PLCH1: variants seen among roughly 807,000 people sequenced by gnomAD.
PLCH1 encodes phospholipase C eta 1, also known as 1-phosphatidylinositol 4,5-bisphosphate phosphodiesterase eta-1.
Under a neutral mutation model 126.7 loss-of-function variants are expected in PLCH1, and 60 were observed. The observed-to-expected ratio is 0.47, with a 90% CI of 0.38 to 0.59. The LOEUF is 0.59. PLCH1 is among the 20% of genes least tolerant of loss of function. The probability of loss-of-function intolerance (pLI) is 0.00; values close to 1 mark genes in which losing one functional copy is unlikely to be tolerated. For missense variants in PLCH1, 1,723 were observed against 2,040.0 expected (o/e 0.84, Z 2.99); for synonymous variants, 719 against 734.9 (o/e 0.98, Z 0.35).
At chr3:155,638,112 TG>T (rs747648553) in intron 2 of PLCH1, among the ~76,000 whole-genome samples, 39 of 152,252 alleles carry the variant, frequency 2.6e-4, no homozygotes, top group Non-Finnish European at 4.9e-4. Context: ...TATTTCACAA[TG>T]GTTATCATGG....
chr3:155,584,596 T>G (rs1157912512), intron 5 of PLCH1, among the ~76,000 whole-genome samples: 1 of 152,224 alleles, frequency 6.6e-6, no homozygotes, highest in East Asian at 1.9e-4. Context: ...TGTGCTCTTC[T>G]TCATTCTAAG....
intron 1 of PLCH1, among the ~76,000 whole-genome samples, chr3:155,719,962 A>G (rs766707520): frequency 3.3e-5 from 5 of 151,920 alleles, no homozygotes; most frequent in Non-Finnish European, 5.9e-5. Context: ...TGCCCGGCTA[A>G]TTTTTGTATT....
intron 2 of PLCH1, among the ~76,000 whole-genome samples, chr3:155,646,638 T>C (rs1740092384): frequency 6.6e-6 from 1 of 152,190 alleles, no homozygotes; most frequent in African/African-American, 2.4e-5. Flanking sequence ...CTGATACTTC[T>C]CTAAATGACT....
intron 2 of PLCH1, among the ~76,000 whole-genome samples, chr3:155,609,722 G>A (rs573749590): frequency 6.6e-6 from 1 of 152,120 alleles, no homozygotes; most frequent in East Asian, 1.9e-4. Flanking sequence ...TTCTGGAAAT[G>A]AAAGACACTT....
At chr3:155,657,362 G>A (rs1741528296) in intron 2 of PLCH1, among the ~76,000 whole-genome samples, 1 of 152,158 alleles carries the variant, frequency 6.6e-6, no homozygotes, top group Non-Finnish European at 1.5e-5. Context: ...TCTGTCAGTT[G>A]AGAAGACAAG....
At chr3:155,652,984 C>T (rs75084555) in intron 2 of PLCH1, among the ~76,000 whole-genome samples, 5,093 of 152,258 alleles carry the variant, frequency 0.033, 252 homozygotes, top group African/African-American at 0.1. Context: ...TTATACAATG[C>T]CACTAATTGC....
intron 6 of PLCH1, among the ~76,000 whole-genome samples, chr3:155,570,525 A>G (rs916405212): frequency 1.3e-5 from 2 of 152,244 alleles, no homozygotes; most frequent in African/African-American, 4.8e-5. Flanking sequence ...GATTATTTTA[A>G]TAATGACTCT....
chr3:155,545,517 A>C (rs1725125053), intron 10 of PLCH1, among the ~76,000 whole-genome samples: 2 of 151,262 alleles, frequency 1.3e-5, no homozygotes, highest in African/African-American at 2.4e-5. Flanking sequence ...AAAAAGAGGG[A>C]ATCCTCCCTA....
intron 6 of PLCH1, among the ~76,000 whole-genome samples, chr3:155,575,200 T>C (rs931638707): frequency 5.3e-5 from 8 of 152,028 alleles, no homozygotes; most frequent in South Asian, 2.1e-4. Flanking sequence ...GGAATGCTTT[T>C]ATATGAGGAA....
intron 2 of PLCH1, among the ~76,000 whole-genome samples, chr3:155,670,577 C>G (rs1222806899): frequency 6.6e-6 from 1 of 152,076 alleles, no homozygotes; most frequent in East Asian, 1.9e-4. Context: ...TAATTAGAGA[C>G]AGTTACAGAT....
intron 2 of PLCH1, among the ~76,000 whole-genome samples, chr3:155,628,317 G>A (rs1374877406): frequency 1.5e-5 from 2 of 131,534 alleles, no homozygotes; most frequent in African/African-American, 6.0e-5. Flanking sequence ...AACATAGGAT[G>A]TAAGACTTTC....
intron 2 of PLCH1, among the ~76,000 whole-genome samples, chr3:155,631,029 T>C (rs1737955763): frequency 6.6e-6 from 1 of 152,096 alleles, no homozygotes; most frequent in Non-Finnish European, 1.5e-5. Context: ...TAGGGAAAAA[T>C]TTATTATTCT....
intron 6 of PLCH1, among the ~76,000 whole-genome samples, chr3:155,575,364 G>C (rs1165563534): frequency 2.0e-5 from 3 of 152,134 alleles, no homozygotes; most frequent in Non-Finnish European, 4.4e-5. Context: ...GTAAGGAAGG[G>C]AGAGGGCACA....
At chr3:155,683,483 C>T (rs760578399) in intron 2 of PLCH1, among the ~76,000 whole-genome samples, 2 of 152,134 alleles carry the variant, frequency 1.3e-5, no homozygotes, top group Non-Finnish European at 2.9e-5. Context: ...CTATAAGAAA[C>T]CCAGGAGCTT....
chr3:155,542,245 G>A (rs1724404382), intron 10 of PLCH1, among the ~76,000 whole-genome samples: 1 of 152,226 alleles, frequency 6.6e-6, no homozygotes, highest in African/African-American at 2.4e-5. Context: ...CCCGCACCTG[G>A]CTCGGAGGGT....
At chr3:155,702,121 C>T (rs1391974) in intron 2 of PLCH1, among the ~76,000 whole-genome samples, 2,740 of 152,158 alleles carry the variant, frequency 0.018, 85 homozygotes, top group African/African-American at 0.063. Context: ...GAAAAGGGAG[C>T]TCAGACAATA....
At chr3:155,625,333 G>A (rs796535792) in intron 2 of PLCH1, among the ~76,000 whole-genome samples, 39 of 152,196 alleles carry the variant, frequency 2.6e-4, no homozygotes, top group African/African-American at 9.4e-4. Flanking sequence ...ATAGGCATGG[G>A]CAAAGACTTC....
chr3:155,514,754 G>A lies in PLCH1; in HGVS notation c.1601C>T (p.Thr534Met), dbSNP rs138319759. 1.6e-4 allele frequency: 257 copies of A among 1,601,264 alleles called. No individual in the cohort carries two copies. The highest frequency in any genetic ancestry group is 2.0e-4 in the Non-Finnish European group (237 of 1,172,062). Residue 534 changes from threonine (T) to methionine (M), a missense_variant, in exon 12 of 23, where the codon ACG (threonine) becomes ATG (methionine). Transcript: ENST00000460012. ...SFTVRALLKATHEGLNAHLKQ... is the reference protein window; with the variant it reads ...SFTVRALLKAMHEGLNAHLKQ... ...CAGGTGTGCATTTAAGCCTTCATGC[G>A]TGGCCTTCAGTAGTGCCCGCACTGT...
chr3:155,496,074 G>T (rs1716987987), intron 15 of PLCH1, among the ~76,000 whole-genome samples: 1 of 152,040 alleles, frequency 6.6e-6, no homozygotes, highest in South Asian at 2.1e-4. Flanking sequence ...TGCTAATTAG[G>T]CACATATCAA....
Sources: gnomAD v4.1 joint callset for allele counts (sites outside exome capture counted in the v4.1 genomes callset) on GRCh38, gnomAD v4.1.1 for gene constraint, MANE v1.5 for transcripts, NCBI Gene and HGNC (gene_info 2026-07-23, HGNC 2026-07-21) for gene names.